Variants in PMFBP1 observed in about 807,000 individuals in gnomAD.
PMFBP1 encodes the protein polyamine-modulated factor 1-binding protein 1.
In PMFBP1, 131 loss-of-function variants were observed where a neutral mutation model predicts 137.8. That is an observed-to-expected ratio of 0.95 (90% CI 0.82 to 1.10). PMFBP1 has a LOEUF of 1.10. Among genes scored for constraint, PMFBP1 ranks in the 50% least tolerant of loss-of-function variants. The pLI is 0.00. For synonymous variants in PMFBP1, 490 were observed against 450.4 expected, an observed-to-expected ratio of 1.09 and a Z score of -1.11; for missense variants, 1,199 against 1,175.4, an observed-to-expected ratio of 1.02 and a Z score of -0.29.
At chr16:72,153,961 CAT>C (rs1182748746) in intron 4 of PMFBP1, among the ~76,000 whole-genome samples, 41 of 131,838 alleles carry the variant, frequency 3.1e-4, no homozygotes, top group East Asian at 2.6e-3. Context: ...CACACACACA[CAT>C]GCCTGCACAC....
chr16:72,159,745 G>T (rs2043033516), intron 3 of PMFBP1, among the ~76,000 whole-genome samples: 1 of 151,364 alleles, frequency 6.6e-6, no homozygotes, highest in African/African-American at 2.4e-5. Flanking sequence ...TTACAAATGT[G>T]CTGAAGAGCA....
At position 72,130,195 on chromosome 16, in the gene PMFBP1, T is replaced by C. The variant is rs752097740; in HGVS notation, c.1782+18A>G. ...GCAGAGCAAGCACTTGAATGGGCCA[T>C]CTGCCTGCCCGTCATACCTGGTGCT... On this transcript the variant is annotated intron_variant, in intron 12 of 20. Transcript: ENST00000237353. 6.2e-7 allele frequency: 1 copy of C among 1,609,750 alleles called. No individual in the cohort carries two copies. Among genetic ancestry groups the C allele is most frequent in the South Asian group, 1.1e-5 (1 of 91,074 alleles).
At chr16:72,176,561 C>T (rs1397886404), upstream of PMFBP1, among the ~76,000 whole-genome samples, 1 of 152,180 alleles carries the variant, frequency 6.6e-6, no homozygotes, top group East Asian at 1.9e-4. Flanking sequence ...TAGTGCACAG[C>T]TCTTTGTTCT....
chr16:72,120,454 C>T (rs1303399216), intron 19 of PMFBP1, among the ~76,000 whole-genome samples: 1 of 152,214 alleles, frequency 6.6e-6, no homozygotes. Flanking sequence ...CTGGTAGGGA[C>T]AACTGTGATC....
the PMFBP1 span, among the ~76,000 whole-genome samples, chr16:72,188,480 A>C: frequency 1.3e-5 from 2 of 152,182 alleles, no homozygotes; most frequent in Admixed American, 6.5e-5. Context: ...TTTCTTGATT[A>C]ATAGGAATAT....
the PMFBP1 span, chr16:72,224,908 T>G: frequency 6.6e-6 from 1 of 152,236 alleles, no homozygotes; most frequent in Non-Finnish European, 1.5e-5. Context: ...GAATTTGTAC[T>G]TTGCACATAT....
intron 9 of PMFBP1, among the ~76,000 whole-genome samples, chr16:72,135,414 A>C: frequency 6.9e-6 from 1 of 144,990 alleles, no homozygotes. Context: ...ACGGGGTTTC[A>C]CCCTGTTGGT....
At chr16:72,201,659 A>G in the PMFBP1 span, among the ~76,000 whole-genome samples, 41,993 of 152,136 alleles carry the variant, frequency 0.28, 8,991 homozygotes, top group African/African-American at 0.6. Context: ...TGCATTTCCC[A>G]CTTATATTCA....
the PMFBP1 span, among the ~76,000 whole-genome samples, chr16:72,234,905 G>A: frequency 1.3e-5 from 2 of 152,002 alleles, no homozygotes; most frequent in Non-Finnish European, 2.9e-5. Flanking sequence ...TCTTTTTATT[G>A]TTGAGTCGTA....
chr16:72,235,326 T>C, the PMFBP1 span, among the ~76,000 whole-genome samples: 1 of 152,164 alleles, frequency 6.6e-6, no homozygotes, highest in African/African-American at 2.4e-5. Flanking sequence ...CAATTGACTA[T>C]AACATAAGGG....
rs764278909 is a variant in PMFBP1 at position 72,132,878 on chromosome 16, T to C, written c.1317A>G (p.Thr439=). The C allele has an allele frequency of 1.2e-6, 2 of 1,614,270 alleles. No individual in the cohort carries two copies. The highest frequency in any genetic ancestry group is 1.7e-5 in the Admixed American group (1 of 60,028). The stretch of plus-strand genomic sequence containing the variant: ...CCTCCTTGACTGTCATTTCAAGTTC[T>C]GTGGCCATGCACTGCTGCTTCTCCA... ...KELEKQQCMA[T]ELEMTVKEAK... Residue 439 remains threonine (T), a synonymous_variant, in exon 10 of 21, where the codon ACA becomes ACG. Transcript: ENST00000237353.
chr16:72,127,034 C>T (rs970833682), intron 14 of PMFBP1, among the ~76,000 whole-genome samples: 1 of 152,184 alleles, frequency 6.6e-6, no homozygotes, highest in Admixed American at 6.5e-5. Context: ...ACTTTAAGTA[C>T]AGGACAGAGA....
chr16:72,164,222 T>C (rs2043108468), intron 3 of PMFBP1: 1 of 366,700 alleles, frequency 2.7e-6, no homozygotes, highest in Non-Finnish European at 5.3e-6. Context: ...CCATCTGACA[T>C]TGCTTGAGGG....
the PMFBP1 span, among the ~76,000 whole-genome samples, chr16:72,205,102 G>A: frequency 3.3e-5 from 5 of 152,194 alleles, no homozygotes; most frequent in Non-Finnish European, 7.3e-5. Context: ...TCTAGGCTGT[G>A]ACTCTGACTT....
At chr16:72,135,202 G>A (rs1433959059) in intron 9 of PMFBP1, among the ~76,000 whole-genome samples, 1 of 152,014 alleles carries the variant, frequency 6.6e-6, no homozygotes, top group Non-Finnish European at 1.5e-5. Flanking sequence ...TTGAGACAGA[G>A]TTTCGCTCTT....
chr16:72,147,644 C>A (rs1597477757), intron 5 of PMFBP1, among the ~76,000 whole-genome samples: 1 of 152,222 alleles, frequency 6.6e-6, no homozygotes, highest in East Asian at 1.9e-4. Flanking sequence ...GGGCTAATAT[C>A]CAGAATCTAC....
upstream of PMFBP1, among the ~76,000 whole-genome samples, chr16:72,175,274 C>T (rs1199433528): frequency 6.6e-6 from 1 of 152,232 alleles, no homozygotes; most frequent in African/African-American, 2.4e-5. Context: ...TACCCTATTC[C>T]TCCTCTTTCC....
the PMFBP1 span, among the ~76,000 whole-genome samples, chr16:72,232,149 G>A: frequency 6.6e-6 from 1 of 152,154 alleles, no homozygotes; most frequent in East Asian, 1.9e-4. Flanking sequence ...GTATTGTTTA[G>A]TGATGGATTT....
the PMFBP1 span, among the ~76,000 whole-genome samples, chr16:72,228,505 G>A: frequency 6.6e-6 from 1 of 152,142 alleles, no homozygotes; most frequent in South Asian, 2.1e-4. Context: ...CCCGTTTCTA[G>A]GATACCTGGT....
Sources: gnomAD v4.1 joint callset for allele counts (sites outside exome capture counted in the v4.1 genomes callset) on GRCh38, gnomAD v4.1.1 for gene constraint, MANE v1.5 for transcripts, NCBI Gene and HGNC (gene_info 2026-07-23, HGNC 2026-07-21) for gene names.